Variants in DYNC1I1 observed in about 807,000 individuals in gnomAD.
DYNC1I1 encodes cytoplasmic dynein 1 intermediate chain 1.
A neutral mutation model predicts 86.6 loss-of-function variants in DYNC1I1; 43 were observed. The ratio of observed to expected loss-of-function variants is 0.50; its 90% CI spans 0.39 to 0.64. The LOEUF is 0.64. DYNC1I1 is among the 30% of genes least tolerant of loss of function. The pLI, the probability that DYNC1I1 is intolerant of heterozygous loss-of-function variation, is 0.00. For missense variants in DYNC1I1, 604 were observed against 788.8 expected (o/e 0.77, Z 2.81); for synonymous variants, 262 against 283.7 (o/e 0.92, Z 0.77).
intron 6 of DYNC1I1, among the ~76,000 whole-genome samples, chr7:95,945,645 A>G (rs1431020853): frequency 2.0e-5 from 3 of 152,192 alleles, no homozygotes; most frequent in Non-Finnish European, 4.4e-5. Context: ...TCACTTTTTT[A>G]GCATTAAACA....
intron 6 of DYNC1I1, among the ~76,000 whole-genome samples, chr7:95,936,657 A>G (rs1024929641): frequency 1.6e-4 from 25 of 152,194 alleles, no homozygotes; most frequent in African/African-American, 6.0e-4. Flanking sequence ...AAACAAGAAC[A>G]AGATGTTGTG....
intron 5 of DYNC1I1, among the ~76,000 whole-genome samples, chr7:95,857,329 G>A (rs545989296): frequency 6.6e-6 from 1 of 152,294 alleles, no homozygotes; most frequent in East Asian, 1.9e-4. Context: ...TTTTGAGGGA[G>A]AAACACCTCT....
intron 4 of DYNC1I1, among the ~76,000 whole-genome samples, chr7:95,824,002 T>G (rs1348735619): frequency 8.0e-6 from 1 of 124,502 alleles, no homozygotes; most frequent in Non-Finnish European, 1.6e-5. Context: ...TGTTTTTTTT[T>G]TTTTTTTTGA....
At chr7:95,944,489 A>G (rs139498432) in intron 6 of DYNC1I1, among the ~76,000 whole-genome samples, 9,734 of 152,274 alleles carry the variant, frequency 0.064, 770 homozygotes, top group East Asian at 0.34. Context: ...ATCTAGAACT[A>G]GAAATACCAT....
chr7:96,020,097 CAAA>C (rs10595929), intron 10 of DYNC1I1, among the ~76,000 whole-genome samples: 22,753 of 122,156 alleles, frequency 0.19, 1,936 homozygotes, highest in South Asian at 0.36. Flanking sequence ...AAAAGAAAGC[CAAA>C]AAAAAAAAAA....
chr7:95,970,022 A>G (rs1793124890), intron 6 of DYNC1I1, among the ~76,000 whole-genome samples: 1 of 152,150 alleles, frequency 6.6e-6, no homozygotes. Flanking sequence ...GTAAGCATTC[A>G]GTGGTGCATG....
chr7:95,827,228 G>T (rs1795220282), intron 4 of DYNC1I1, among the ~76,000 whole-genome samples: 1 of 152,170 alleles, frequency 6.6e-6, no homozygotes, highest in Non-Finnish European at 1.5e-5. Flanking sequence ...TAAAGTTTGT[G>T]CTGTCCATTA....
chr7:95,850,136 A>G (rs1260202593), intron 5 of DYNC1I1, among the ~76,000 whole-genome samples: 4 of 152,172 alleles, frequency 2.6e-5, no homozygotes, highest in African/African-American at 9.6e-5. Flanking sequence ...TATATAAAAG[A>G]TTATGTTGTC....
chr7:95,783,190 A>G lies in DYNC1I1; in HGVS notation c.-10+10417A>G, dbSNP rs116276938. ...TGTCCATATCACTAACACCTGAATG[A>G]ATGCCCATTAAAATATAAAATGCAT... On this transcript the variant is annotated intron_variant, in intron 1 of 16. Transcript: ENST00000447467. 3.2e-3 allele frequency among the ~76,000 whole-genome samples: 489 copies of G among 152,308 alleles called. 2 individuals carry two copies. The highest frequency in any genetic ancestry group is 0.011 in the African/African-American group (467 of 41,560).
intron 4 of DYNC1I1, among the ~76,000 whole-genome samples, chr7:95,814,445 CT>C (rs1284079912): frequency 6.6e-6 from 1 of 152,188 alleles, no homozygotes; most frequent in African/African-American, 2.4e-5. Flanking sequence ...TTTGGCTTGT[CT>C]GTGTACCTTT....
chr7:95,835,500 G>T (rs1789057399), intron 5 of DYNC1I1, among the ~76,000 whole-genome samples: 1 of 151,494 alleles, frequency 6.6e-6, no homozygotes, highest in Non-Finnish European at 1.5e-5. Context: ...GCTTGGTGCA[G>T]AGCTGAGTTC....
At position 96,097,620 on chromosome 7, in the gene DYNC1I1, C is replaced by T; in HGVS notation, c.*27C>T. ...GGAAATGAGCCACCCCCACTGCAGC[C>T]CCCACCTTTGTGTCCTAGAGCTCAG... is the stretch of plus-strand genomic sequence containing the variant. On this transcript the variant is annotated 3_prime_UTR_variant, in exon 17 of 17. Coordinates refer to ENST00000447467, the MANE Select transcript of DYNC1I1 (RefSeq NM_001135556.2). The T allele has an allele frequency of 6.2e-7, 1 of 1,612,876 alleles. No individual in the cohort carries two copies.
In DYNC1I1 at chr7:95,774,491, A is replaced by G. The variant is rs149938664; in HGVS notation, c.-10+1718A>G. 4.8e-3 allele frequency among the ~76,000 whole-genome samples: 726 copies of G among 152,308 alleles called. 5 individuals carry two copies. The highest frequency in any genetic ancestry group is 0.017 in the African/African-American group (698 of 41,568). ...CTGTTAAAGCTTTAGGTAAATCACC[A>G]GTAGGGATATGAGCAGAGAAAATAA... On this transcript the variant is annotated intron_variant, in intron 1 of 16. Transcript: ENST00000447467.
At chr7:95,990,012 C>T (rs1247573448) in intron 9 of DYNC1I1, among the ~76,000 whole-genome samples, 1 of 151,910 alleles carries the variant, frequency 6.6e-6, no homozygotes, top group Non-Finnish European at 1.5e-5. Flanking sequence ...AGGATGATTT[C>T]CTGAATGTAA....
intron 8 of DYNC1I1, 61 bp from the exon 9 acceptor site, chr7:95,986,995 T>C (rs911773497): frequency 6.8e-7 from 1 of 1,476,510 alleles, no homozygotes; most frequent in Admixed American, 1.7e-5. Context: ...TATCAGTGCT[T>C]CTATATGAGC....
At position 95,810,455 on chromosome 7, in the gene DYNC1I1, G is replaced by T; in HGVS notation, c.172G>T (p.Glu58Ter). 6.2e-7 allele frequency: 1 copy of T among 1,613,168 alleles called. No homozygotes were observed. Among genetic ancestry groups the T allele is most frequent in the South Asian group, 1.1e-5 (1 of 91,016 alleles). ...DDSDLDRKRRETEALLQSIGI... is the reference protein window; with the variant it reads ...DDSDLDRKRR ...CTCTGATCTGGATCGCAAACGACGA[G>T]AGACAGAGGCTTTGCTGCAAAGCAT... The change falls in exon 3 of 17, where the codon GAG becomes TAG. Residue 58 changes from glutamate (E) to a stop codon, truncating the protein, a stop_gained. Transcript: ENST00000447467. LOFTEE classifies it high-confidence loss of function.
intron 6 of DYNC1I1, among the ~76,000 whole-genome samples, chr7:95,958,031 C>G (rs369908365): frequency 6.6e-6 from 1 of 152,102 alleles, no homozygotes; most frequent in South Asian, 2.1e-4. Context: ...GCTGGTTAAG[C>G]CTTTGCTGCC....
intron 14 of DYNC1I1, among the ~76,000 whole-genome samples, chr7:96,063,979 G>A (rs1384804839): frequency 3.3e-5 from 5 of 152,164 alleles, no homozygotes; most frequent in East Asian, 1.9e-4. Context: ...GGAAAGCAGC[G>A]GGAACAGTTG....
At chr7:95,834,156 ATT>A in intron 5 of DYNC1I1, among the ~76,000 whole-genome samples, 1 of 62,488 alleles carries the variant, frequency 1.6e-5, no homozygotes, top group East Asian at 5.2e-4. Flanking sequence ...TCAATACCTA[ATT>A]TATTGAGAGT....
Sources: allele counts gnomAD v4.1 joint callset (sites outside exome capture counted in the v4.1 genomes callset), GRCh38; gene constraint gnomAD v4.1.1; transcripts MANE v1.5; gene names NCBI Gene and HGNC (gene_info 2026-07-23, HGNC 2026-07-21).